Variants in BAZ2B observed in about 807,000 individuals in gnomAD.
The protein encoded by BAZ2B is bromodomain adjacent to zinc finger domain protein 2B.
BAZ2B carries 91 observed loss-of-function variants against 246.0 expected under a neutral mutation model. That is an observed-to-expected ratio of 0.37 (90% CI 0.31 to 0.44). BAZ2B has a LOEUF of 0.44. Among genes scored for constraint, BAZ2B ranks in the 20% least tolerant of loss-of-function variants. The pLI, the probability that BAZ2B is intolerant of heterozygous loss-of-function variation, is 1.00. For synonymous variants in BAZ2B, 855 were observed against 860.0 expected (o/e 0.99, Z 0.10); for missense variants, 2,332 against 2,533.7 (o/e 0.92, Z 1.71).
intron 2 of BAZ2B, among the ~76,000 whole-genome samples, chr2:159,524,772 T>A (rs1359493858): frequency 6.6e-6 from 1 of 152,188 alleles, no homozygotes; most frequent in Non-Finnish European, 1.5e-5. Context: ...ATAAATCCAA[T>A]CGGCGAAGTT....
chr2:159,660,875 G>A, the BAZ2B span, among the ~76,000 whole-genome samples: 2 of 152,134 alleles, frequency 1.3e-5, no homozygotes, highest in Admixed American at 1.3e-4. Flanking sequence ...TAGGATTACA[G>A]GCATGAGCCA....
upstream of BAZ2B, among the ~76,000 whole-genome samples, chr2:159,617,872 T>C (rs1321775602): frequency 2.6e-5 from 4 of 152,124 alleles, no homozygotes; most frequent in East Asian, 3.8e-4. Flanking sequence ...AGTACAATGA[T>C]TGCAATGCAG....
At chr2:159,581,237 C>A (rs746440314) in intron 1 of BAZ2B, among the ~76,000 whole-genome samples, 1 of 152,006 alleles carries the variant, frequency 6.6e-6, no homozygotes, top group African/African-American at 2.4e-5. Context: ...AAAAATCAAA[C>A]CACCACGTCA....
chr2:159,399,584 A>C (rs2064641548), intron 17 of BAZ2B, among the ~76,000 whole-genome samples: 1 of 152,118 alleles, frequency 6.6e-6, no homozygotes, highest in Non-Finnish European at 1.5e-5. Context: ...AAAATCATTA[A>C]CTGTGTAGAA....
At chr2:159,652,841 C>T in the BAZ2B span, among the ~76,000 whole-genome samples, 1 of 152,026 alleles carries the variant, frequency 6.6e-6, no homozygotes, top group Admixed American at 6.6e-5. Context: ...TGGTCTCAAA[C>T]TCCTAGGCTC....
intron 2 of BAZ2B, among the ~76,000 whole-genome samples, chr2:159,543,605 G>T (rs2086921579): frequency 6.7e-6 from 1 of 148,396 alleles, no homozygotes; most frequent in Non-Finnish European, 1.5e-5. Flanking sequence ...GTGTGATCAA[G>T]GCTCATTGCA....
chr2:159,526,930 T>C (rs1378966148), intron 2 of BAZ2B, among the ~76,000 whole-genome samples: 2 of 151,926 alleles, frequency 1.3e-5, no homozygotes, highest in Admixed American at 1.3e-4. Flanking sequence ...CACTAGCTTA[T>C]ATAGTAAGTG....
At position 159,430,936 on chromosome 2, in the gene BAZ2B, G is replaced by T; in HGVS notation, c.2121C>A (p.Ala707=). The part of the protein sequence containing the change: ...IAKAPGSAPA[A]LCSESQSPAF... ...CAGGTGACTGGGATTCAGAACATAA[G>T]GCAGCAGGAGCAGAGCCTGGGGCTT... The change falls in exon 10 of 37, where the codon GCC becomes GCA. Residue 707 remains alanine (A), a synonymous_variant. Transcript: ENST00000392783. 6.2e-7 allele frequency: 1 copy of T among 1,613,980 alleles called. No individual in the cohort carries two copies. The highest frequency in any genetic ancestry group is 1.3e-5 in the African/African-American group (1 of 75,026).
intron 3 of BAZ2B, among the ~76,000 whole-genome samples, chr2:159,474,584 T>A (rs1389399169): frequency 6.6e-6 from 1 of 152,234 alleles, no homozygotes; most frequent in African/African-American, 2.4e-5. Context: ...TATGTGTGAA[T>A]TTCATCCTGT....
intron 27 of BAZ2B, among the ~76,000 whole-genome samples, chr2:159,358,107 A>G (rs1343449126): frequency 2.0e-5 from 3 of 152,248 alleles, no homozygotes; most frequent in Admixed American, 6.5e-5. Flanking sequence ...AAATTCACAC[A>G]TAACAACATT....
rs745678781 is a variant in BAZ2B, at chr2:159,478,625, C to T, written c.95G>A (p.Gly32Asp). The change falls in exon 3 of 37, where the codon GGT becomes GAT. Residue 32 changes from glycine to aspartate, a missense_variant. By Grantham distance (94) the Gly-to-Asp change is moderately conservative. Transcript: ENST00000392783. ...TPSVASVVSK[G>D]GLSTGVASLS... ...TGAAGCAACTCCAGTGGAAAGGCCA[C>T]CTTTTGAAACTACTGAAGCCACAGA... The T allele has an allele frequency of 6.2e-7, 1 of 1,611,186 alleles. No individual in the cohort carries two copies. The highest frequency in any genetic ancestry group is 8.5e-7 in the Non-Finnish European group (1 of 1,178,410).
At chr2:159,469,049 CA>C (rs560336551) in intron 3 of BAZ2B, among the ~76,000 whole-genome samples, 698 of 62,616 alleles carry the variant, frequency 0.011, 2 homozygotes, top group African/African-American at 0.033. Context: ...GACTCTGTCT[CA>C]AAAAAAAAAA....
the BAZ2B span, among the ~76,000 whole-genome samples, chr2:159,652,966 C>T: frequency 9.3e-5 from 14 of 149,876 alleles, no homozygotes; most frequent in Admixed American, 8.7e-4. Context: ...GAGGTGGAGT[C>T]TCACTCTGTC....
In BAZ2B at chr2:159,326,780, C is replaced by T. The variant is rs546253992; in HGVS notation, c.5944-862G>A. The stretch of plus-strand genomic sequence containing the variant: ...ATGCAATATAACTACAAATTGCAGG[C>T]AGCACACTGATGCAACAAGAAGGGT... On this transcript the variant is annotated intron_variant, in intron 34 of 36. Coordinates refer to ENST00000392783, the MANE Select transcript of BAZ2B (RefSeq NM_013450.4). Among the ~76,000 whole-genome samples the T allele has an allele frequency of 5.3e-5, 8 of 152,196 alleles. No individual in the cohort carries two copies. The South Asian group carries it at 1.7e-3, about 32-fold the overall frequency.
chr2:159,571,887 G>C (rs1208607801), intron 1 of BAZ2B, among the ~76,000 whole-genome samples: 2 of 152,200 alleles, frequency 1.3e-5, no homozygotes, highest in African/African-American at 4.8e-5. Flanking sequence ...TCCCAGGTAA[G>C]TGCATTAATC....
At chr2:159,452,045 A>G (rs1167446558) in intron 4 of BAZ2B, among the ~76,000 whole-genome samples, 1 of 152,180 alleles carries the variant, frequency 6.6e-6, no homozygotes, top group Non-Finnish European at 1.5e-5. Flanking sequence ...CAACCATGCT[A>G]GAAACTGAAT....
chr2:159,424,034 G>A (rs1008369867), intron 13 of BAZ2B, among the ~76,000 whole-genome samples: 2 of 151,932 alleles, frequency 1.3e-5, no homozygotes, highest in African/African-American at 4.8e-5. Context: ...AATAAATAAA[G>A]CACTGTGTCC....
chr2:159,678,368 A>T, the BAZ2B span, among the ~76,000 whole-genome samples: 1 of 152,250 alleles, frequency 6.6e-6, no homozygotes, highest in East Asian at 1.9e-4. Context: ...ATACAAATAC[A>T]AAATACTAAA....
chr2:159,472,732 A>G (rs1055386994), intron 3 of BAZ2B, among the ~76,000 whole-genome samples: 6 of 152,188 alleles, frequency 3.9e-5, no homozygotes, highest in Non-Finnish European at 4.4e-5. Context: ...TTCTGCATCT[A>G]TTGAAATAAT....
Sources: allele counts gnomAD v4.1 joint callset (sites outside exome capture counted in the v4.1 genomes callset), GRCh38; gene constraint gnomAD v4.1.1; transcripts MANE v1.5; gene names NCBI Gene and HGNC (gene_info 2026-07-23, HGNC 2026-07-21).